The following SLC39A13 variants were observed in gnomAD, a reference collection of about 807,000 sequenced individuals.
SLC39A13 encodes the protein solute carrier family 39 member 13.
A neutral mutation model predicts 38.7 loss-of-function variants in SLC39A13; 18 were observed. That is an observed-to-expected ratio of 0.47 (90% CI 0.32 to 0.69). SLC39A13 has a LOEUF of 0.69. Among genes scored for constraint, SLC39A13 ranks in the 30% least tolerant of loss-of-function variants. SLC39A13 has a pLI of 0.03. For missense variants in SLC39A13, 395 were observed against 490.7 expected, an observed-to-expected ratio of 0.80 and a Z score of 1.84; for synonymous variants, 212 against 219.1, an observed-to-expected ratio of 0.97 and a Z score of 0.29.
At position 47,408,670 on chromosome 11, in the gene SLC39A13, C is replaced by T; in HGVS notation, c.-9+8C>T. 6.5e-6 allele frequency: 1 copy of T among 153,446 alleles called. No individual in the cohort carries two copies. Among genetic ancestry groups the T allele is most frequent in the South Asian group, 1.8e-4 (1 of 5,564 alleles). The allele number at this position is 153,446 out of a possible 1,614,324, so 9.5% of individuals were successfully genotyped here. A position where few individuals can be genotyped will look rare whatever the true frequency, so the allele number is the denominator to read the frequency against. On this transcript the variant is annotated splice_region_variant and intron_variant, in intron 1 of 9. Coordinates refer to ENST00000362021, the MANE Select transcript of SLC39A13 (RefSeq NM_001128225.3). ...CGCCGCCGCCGCCGCACGGTGAGTG[C>T]CAGCAGGACCCTCGGGGCCCGCGCC...
Position 47,414,416 on chromosome 11 carries a change from T to C in SLC39A13, c.736-9T>C. Reference sequence around the variant, plus strand: ...ACAGACCCCGCAGCCACGGCTCCCCTCCCTGCAGATCGGGCTCCTGACAAC... The same window carrying C: ...ACAGACCCCGCAGCCACGGCTCCCCCCCCTGCAGATCGGGCTCCTGACAAC... On this transcript the variant is annotated splice_polypyrimidine_tract_variant and intron_variant, in intron 6 of 9. Coordinates refer to ENST00000362021, the MANE Select transcript of SLC39A13 (RefSeq NM_001128225.3). The C allele has an allele frequency of 6.2e-7, 1 of 1,607,744 alleles. No homozygotes were observed. Among genetic ancestry groups the C allele is most frequent in the Non-Finnish European group, 8.5e-7 (1 of 1,177,320 alleles).
intron 7 of SLC39A13, 32 bp downstream of exon 7, chr11:47,414,507 C>A (rs1198539352): frequency 6.2e-7 from 1 of 1,606,082 alleles, no homozygotes; most frequent in African/African-American, 1.3e-5. Flanking sequence ...CCCAGGGGCC[C>A]AGGCCCCCAC....
At position 47,415,525 on chromosome 11, in the gene SLC39A13, T is replaced by C; in HGVS notation, c.*162T>C. The C allele has an allele frequency of 2.5e-6, 2 of 812,306 alleles. No homozygotes were observed. The highest frequency in any genetic ancestry group is 4.1e-6 in the Non-Finnish European group (2 of 485,526). The allele number at this position is 812,306 out of a possible 1,614,324, so 50.3% of individuals were successfully genotyped here. Reference sequence around the variant, plus strand: ...CGTGTGGATGTATGTGGTGTGCACATGTGGCCAGAGGTGTGTGCGCGAGAC... The same window carrying C: ...CGTGTGGATGTATGTGGTGTGCACACGTGGCCAGAGGTGTGTGCGCGAGAC... On this transcript the variant is annotated 3_prime_UTR_variant, in exon 10 of 10. Transcript: ENST00000362021.
At chr11:47,410,015 A>G in intron 1 of SLC39A13, 72 bp from the exon 2 acceptor site, 3 of 1,567,672 alleles carry the variant, frequency 1.9e-6, no homozygotes, top group South Asian at 2.2e-5. Context: ...GGGAGGAGGG[A>G]GGCGCCACGT....
chr11:47,415,773 C>A lies in SLC39A13; in HGVS notation c.*410C>A. On this transcript the variant is annotated 3_prime_UTR_variant, in exon 10 of 10. Coordinates refer to ENST00000362021, the MANE Select transcript of SLC39A13 (RefSeq NM_001128225.3). ...GGGAACTCCAGAGCTGCCCACCTCC[C>A]ACTGCCCCCTCAGCACACACACAGT... The A allele has an allele frequency of 3.0e-6, 1 of 331,780 alleles. No individual in the cohort carries two copies. The highest frequency in any genetic ancestry group is 5.8e-6 in the Non-Finnish European group (1 of 171,044). 20.6% of individuals were successfully genotyped at this position (331,780 alleles called of 1,614,324 possible).
Position 47,415,484 on chromosome 11 carries a change from A to G in SLC39A13, c.*121A>G. The G allele has an allele frequency of 9.1e-7, 1 of 1,103,854 alleles. No individual in the cohort carries two copies. The highest frequency in any genetic ancestry group is 1.3e-5 in the South Asian group (1 of 79,440). 68.4% of individuals were successfully genotyped at this position (1,103,854 alleles called of 1,614,324 possible). On this transcript the variant is annotated 3_prime_UTR_variant, in exon 10 of 10. Coordinates refer to ENST00000362021, the MANE Select transcript of SLC39A13 (RefSeq NM_001128225.3). Reference sequence around the variant, plus strand: ...TGCGAGAGAGAATGAGCCTCCCGCCAGACAGGAGGGAGGTGCGTGTGGATG... The same window carrying G: ...TGCGAGAGAGAATGAGCCTCCCGCCGGACAGGAGGGAGGTGCGTGTGGATG...
At chr11:47,414,632 C>A in intron 7 of SLC39A13, 145 bp from the exon 8 acceptor site, 1 of 1,499,924 alleles carries the variant, frequency 6.7e-7, no homozygotes, top group Non-Finnish European at 9.1e-7. Context: ...CAGCAGCCTG[C>A]AGCTGCCATC....
rs1207305789 is a variant in SLC39A13 at position 47,415,461 on chromosome 11, C to T, written c.*98C>T. ...GAGAGGCAGAGAGGGCGAGTGGCTGCGAGAGAGAATGAGCCTCCCGCCAGA... is the reference window on the plus strand; with the variant it reads ...GAGAGGCAGAGAGGGCGAGTGGCTGTGAGAGAGAATGAGCCTCCCGCCAGA... On this transcript the variant is annotated 3_prime_UTR_variant, in exon 10 of 10. Transcript: ENST00000362021. The T allele has an allele frequency of 2.6e-5, 36 of 1,399,422 alleles. No homozygotes were observed. Among genetic ancestry groups the T allele is most frequent in the East Asian group, 4.6e-5 (2 of 43,772 alleles). The allele number at this position is 1,399,422 out of a possible 1,614,324, so 86.7% of individuals were successfully genotyped here. A position where few individuals can be genotyped will look rare whatever the true frequency, so the allele number is the denominator to read the frequency against.
intron 2 of SLC39A13, 134 bp downstream of exon 2, chr11:47,410,529 C>T: frequency 8.1e-7 from 1 of 1,232,520 alleles, no homozygotes; most frequent in Non-Finnish European, 1.1e-6. Context: ...CCCCTTGGTC[C>T]TGTAGGAGCT....
intron 1 of SLC39A13, 43 bp from the exon 2 acceptor site, chr11:47,410,044 G>C (rs1344807779): frequency 6.2e-7 from 1 of 1,609,218 alleles, no homozygotes; most frequent in East Asian, 2.2e-5. Flanking sequence ...CAGGTGTGCG[G>C]CCAAGGCTGT....
Position 47,415,641 on chromosome 11 carries a change from C to T in SLC39A13, c.*278C>T. 1 of 573,974 alleles carries T rather than the reference C, an allele frequency of 1.7e-6. No homozygotes were observed. 35.6% of individuals were successfully genotyped at this position (573,974 alleles called of 1,614,324 possible). On this transcript the variant is annotated 3_prime_UTR_variant, in exon 10 of 10. Transcript: ENST00000362021. ...TTACCTCTCCTTGCCGCCCTGTCACCTTCACCTCCCGGAGTAAGCAGCGAG... is the reference window on the plus strand; with the variant it reads ...TTACCTCTCCTTGCCGCCCTGTCACTTTCACCTCCCGGAGTAAGCAGCGAG...
intron 1 of SLC39A13, chr11:47,409,192 A>G (rs1001109414): frequency 2.0e-5 from 3 of 152,274 alleles, no homozygotes; most frequent in Non-Finnish European, 4.4e-5. Context: ...ACCACATTTA[A>G]ACCTCATGCC....
rs117499446 is a variant in SLC39A13 at position 47,410,003 on chromosome 11, C to T, written c.-8-84C>T. 1.5e-4 allele frequency: 233 copies of T among 1,534,718 alleles called. No homozygotes were observed. The East Asian group carries it at 4.3e-3, about 28-fold the overall frequency. On this transcript the variant is annotated intron_variant, in intron 1 of 9. Coordinates refer to ENST00000362021, the MANE Select transcript of SLC39A13 (RefSeq NM_001128225.3). ...GGAGGGTGGATGCCAGGGTCCCTTG[C>T]GGGGAGGAGGGAGGCGCCACGTTTC...
intron 3 of SLC39A13, 104 bp downstream of exon 3, chr11:47,412,143 T>G: frequency 1.5e-6 from 2 of 1,328,910 alleles, no homozygotes; most frequent in Non-Finnish European, 2.1e-6. Context: ...TCTGGGTTTC[T>G]GGCAGGAGCT....
At chr11:47,409,009 G>T (rs1040000433) in intron 1 of SLC39A13, 2 of 152,546 alleles carry the variant, frequency 1.3e-5, no homozygotes, top group Admixed American at 6.5e-5. Context: ...GTGGAGCCCC[G>T]CTGGCTTCAT....
chr11:47,414,083 G>C (rs546207722), intron 6 of SLC39A13: 1 of 610,952 alleles, frequency 1.6e-6, no homozygotes, highest in African/African-American at 1.8e-5. Flanking sequence ...AGCGGCTGAC[G>C]ACTCATCCTT....
chr11:47,410,065 G>A, intron 1 of SLC39A13, 22 bp from the exon 2 acceptor site: 1 of 1,611,564 alleles, frequency 6.2e-7, no homozygotes, highest in Non-Finnish European at 8.5e-7. Context: ...AGCTCATATA[G>A]GTGGCCTTTT....
chr11:47,413,303 G>GC, intron 4 of SLC39A13, 97 bp from the exon 5 acceptor site: 2 of 1,265,972 alleles, frequency 1.6e-6, no homozygotes, highest in Non-Finnish European at 2.3e-6. Flanking sequence ...ACTGCACCCA[G>GC]CCCCCGTCTC....
chr11:47,413,292 C>T lies in SLC39A13; in HGVS notation c.538-108C>T. The T allele has an allele frequency of 1.4e-5, 16 of 1,140,908 alleles. 1 individual carries two copies. In the South Asian group the frequency reaches 2.1e-4, roughly 15 times the overall value. The allele number at this position is 1,140,908 out of a possible 1,614,324, so 70.7% of individuals were successfully genotyped here. The stretch of plus-strand genomic sequence containing the variant: ...AAGTGCTGGGATTACAGGCATGAGC[C>T]ACTGCACCCAGCCCCCGTCTCTCTT... On this transcript the variant is annotated intron_variant, in intron 4 of 9. Coordinates refer to ENST00000362021, the MANE Select transcript of SLC39A13 (RefSeq NM_001128225.3).
Sources: allele counts gnomAD v4.1 joint callset, GRCh38; gene constraint gnomAD v4.1.1; transcripts MANE v1.5; gene names NCBI Gene and HGNC (gene_info 2026-07-23, HGNC 2026-07-21).